GAPVD1: variants seen among roughly 807,000 people sequenced by gnomAD.
GAPVD1 encodes the protein GTPase activating protein and VPS9 domains 1, also known as GTPase-activating protein and VPS9 domain-containing protein 1.
A neutral mutation model predicts 155.5 loss-of-function variants in GAPVD1; 35 were observed. That is an observed-to-expected ratio of 0.23 (90% CI 0.17 to 0.30). The LOEUF is 0.30. Among genes scored for constraint, GAPVD1 ranks in the 10% least tolerant of loss-of-function variants. GAPVD1 has a pLI of 1.00. For synonymous variants in GAPVD1, 636 were observed against 619.7 expected, an observed-to-expected ratio of 1.03 and a Z score of -0.39; for missense variants, 1,429 against 1,775.7, an observed-to-expected ratio of 0.80 and a Z score of 3.51.
intron 2 of GAPVD1, among the ~76,000 whole-genome samples, chr9:125,280,473 A>G (rs1183520276): frequency 1.2e-4 from 18 of 150,444 alleles, no homozygotes; most frequent in Admixed American, 1.2e-3. Context: ...AGCACCTGGC[A>G]GGCCTGAAAT....
At position 125,312,534 on chromosome 9, in the gene GAPVD1, G is replaced by T; in HGVS notation, c.1524G>T (p.Glu508Asp). Residue 508 changes from glutamate to aspartate, a missense_variant, in exon 9 of 28, where the codon GAG (glutamate) becomes GAT (aspartate). Transcript: ENST00000297933. ...HEGSSQETIQ[E>D]VQPEEVLVIS... ...GATCATCTCAAGAAACCATTCAGGA[G>T]GTGCAACCAGAAGAGGTGTTGGTCA... 1 of 1,610,582 alleles carries T rather than the reference G, an allele frequency of 6.2e-7. No homozygotes were observed. The highest frequency in any genetic ancestry group is 8.5e-7 in the Non-Finnish European group (1 of 1,178,430).
chr9:125,302,368 T>C lies in GAPVD1; in HGVS notation c.571T>C (p.Ser191Pro). The C allele has an allele frequency of 6.2e-7, 1 of 1,614,168 alleles. No homozygotes were observed. The highest frequency in any genetic ancestry group is 8.5e-7 in the Non-Finnish European group (1 of 1,180,022). ...TAAACTTTTTTCTGAAGGACTGTTT[T>C]CTGCCAAACTTTTCCTCACAGCCAC... is the stretch of plus-strand genomic sequence containing the variant. ...LFKLFSEGLF[S>P]AKLFLTATLH... The change falls in exon 5 of 28, where the codon TCT (serine) becomes CCT (proline). Residue 191 changes from serine to proline, a missense_variant. Coordinates refer to ENST00000297933, the MANE Select transcript of GAPVD1 (RefSeq NM_001282680.3).
chr9:125,350,145 C>T (rs1849097510), intron 21 of GAPVD1, 150 bp from the exon 22 acceptor site: 1 of 570,758 alleles, frequency 1.8e-6, no homozygotes, highest in Non-Finnish European at 3.0e-6. Context: ...AAAGCCTGTT[C>T]TTTTAAGTGG....
At chr9:125,316,591 A>T (rs1401775971) in intron 9 of GAPVD1, among the ~76,000 whole-genome samples, 1 of 152,234 alleles carries the variant, frequency 6.6e-6, no homozygotes, top group Non-Finnish European at 1.5e-5. Context: ...ATGGCTGCAT[A>T]GTATTCCATG....
At chr9:125,327,779 C>T (rs1430536953) in intron 12 of GAPVD1, among the ~76,000 whole-genome samples, 1 of 152,194 alleles carries the variant, frequency 6.6e-6, no homozygotes, top group African/African-American at 2.4e-5. Flanking sequence ...GCTGGGATTA[C>T]AGTCATGAGC....
intron 13 of GAPVD1, among the ~76,000 whole-genome samples, chr9:125,331,347 C>T (rs917108139): frequency 6.6e-6 from 1 of 151,992 alleles, no homozygotes; most frequent in Non-Finnish European, 1.5e-5. Context: ...ATTACAGGCA[C>T]CTGCCACCAC....
chr9:125,323,344 C>T (rs1363996626), intron 10 of GAPVD1, among the ~76,000 whole-genome samples: 8 of 150,462 alleles, frequency 5.3e-5, no homozygotes, highest in Middle Eastern at 3.4e-3. Flanking sequence ...CTCGCTCTGT[C>T]GCCCAGGCTG....
chr9:125,319,256 C>G (rs1285698165), intron 9 of GAPVD1, among the ~76,000 whole-genome samples: 1 of 151,726 alleles, frequency 6.6e-6, no homozygotes, highest in Non-Finnish European at 1.5e-5. Context: ...TACCTGTAGT[C>G]CCAGCTACTC....
rs764346475 is a variant in GAPVD1, at chr9:125,305,043, AC to A, written c.1030-18del. The stretch of plus-strand genomic sequence containing the variant: ...ATCTGTCTGTAGCTTATGTCTCCCT[AC>A]CACTGCTTTGGGTTGCAGGTAGGCC... On this transcript the variant is annotated intron_variant, in intron 5 of 27. Coordinates refer to ENST00000297933, the MANE Select transcript of GAPVD1 (RefSeq NM_001282680.3). The A allele has an allele frequency of 9.0e-6, 14 of 1,556,482 alleles. No homozygotes were observed. In the African/African-American group the frequency reaches 1.5e-4, roughly 17 times the overall value.
At chr9:125,275,026 ATCTT>A (rs1269162579) in intron 2 of GAPVD1, among the ~76,000 whole-genome samples, 1 of 152,052 alleles carries the variant, frequency 6.6e-6, no homozygotes, top group Non-Finnish European at 1.5e-5. Flanking sequence ...TCTGATGGAC[ATCTT>A]TCTTTTTTGT....
intron 26 of GAPVD1, among the ~76,000 whole-genome samples, chr9:125,360,073 G>A (rs1166921334): frequency 6.6e-6 from 1 of 152,106 alleles, no homozygotes; most frequent in Non-Finnish European, 1.5e-5. Flanking sequence ...TGGAATTACT[G>A]CAACAATGGT....
At chr9:125,335,323 G>T (rs1305257881) in intron 15 of GAPVD1, 10 of 534,636 alleles carry the variant, frequency 1.9e-5, no homozygotes, top group Admixed American at 1.1e-4. Flanking sequence ...GAAAATAATA[G>T]TTATTTATTT....
chr9:125,326,657 A>C, intron 12 of GAPVD1, 68 bp downstream of exon 12: 1 of 1,078,012 alleles, frequency 9.3e-7, no homozygotes, highest in Non-Finnish European at 1.4e-6. Flanking sequence ...CTTTCATGGG[A>C]GGGAGCACCA....
chr9:125,353,777 A>G (rs1849642220), intron 23 of GAPVD1, among the ~76,000 whole-genome samples: 1 of 152,192 alleles, frequency 6.6e-6, no homozygotes, highest in Admixed American at 6.5e-5. Context: ...ACAGCACAGG[A>G]AAGACATGCC....
rs1328306609 is a variant in GAPVD1, at chr9:125,354,966, TG to T, written c.3757+127del. The T allele has an allele frequency of 8.6e-6, 5 of 581,710 alleles. No individual in the cohort carries two copies. In the African/African-American group the frequency reaches 9.2e-5, roughly 11 times the overall value. The allele number at this position is 581,710 out of a possible 1,614,324, so 36.0% of individuals were successfully genotyped here. A position where few individuals can be genotyped will look rare whatever the true frequency, so the allele number is the denominator to read the frequency against. Reference sequence around the variant, plus strand: ...ATGCCTTAAATACCCAATTATTTTATGGAATCTTAATAAATTAAACTTTGAT... The same window carrying T: ...ATGCCTTAAATACCCAATTATTTTATGAATCTTAATAAATTAAACTTTGAT... On this transcript the variant is annotated intron_variant, in intron 24 of 27. Coordinates refer to ENST00000297933, the MANE Select transcript of GAPVD1 (RefSeq NM_001282680.3).
At chr9:125,285,745 G>A (rs1837586084) in intron 2 of GAPVD1, among the ~76,000 whole-genome samples, 1 of 152,006 alleles carries the variant, frequency 6.6e-6, no homozygotes, top group Non-Finnish European at 1.5e-5. Flanking sequence ...ACAGGTGTGA[G>A]CCACTGCACC....
chr9:125,302,564 C>G lies in GAPVD1; in HGVS notation c.767C>G (p.Ala256Gly). The G allele has an allele frequency of 6.2e-7, 1 of 1,613,802 alleles. No homozygotes were observed. The highest frequency in any genetic ancestry group is 8.5e-7 in the Non-Finnish European group (1 of 1,179,704). Residue 256 changes from alanine to glycine, a missense_variant, in exon 5 of 28, where the codon GCA becomes GGA. By Grantham distance (60) the Ala-to-Gly change is moderately conservative. Coordinates refer to ENST00000297933, the MANE Select transcript of GAPVD1 (RefSeq NM_001282680.3). The part of the protein sequence containing the change: ...KVQEMVESNE[A>G]KLVALVNKFI... ...CAAGAAATGGTGGAGTCCAATGAAG[C>G]AAAGCTAGTGGCTTTGGTGAACAAA...
intron 24 of GAPVD1, 57 bp from the exon 25 acceptor site, chr9:125,355,587 A>C: frequency 9.5e-7 from 1 of 1,057,090 alleles, no homozygotes; most frequent in Non-Finnish European, 1.4e-6. Flanking sequence ...TTTCCTTTTT[A>C]AAATTATTTA....
At chr9:125,310,755 C>T (rs1842553524) in intron 8 of GAPVD1, among the ~76,000 whole-genome samples, 2 of 151,406 alleles carry the variant, frequency 1.3e-5, no homozygotes, top group African/African-American at 4.9e-5. Context: ...TCAGGCTGGA[C>T]TTGAACTCCC....
Sources: allele counts gnomAD v4.1 joint callset (sites outside exome capture counted in the v4.1 genomes callset), GRCh38; gene constraint gnomAD v4.1.1; transcripts MANE v1.5; gene names NCBI Gene and HGNC (gene_info 2026-07-23, HGNC 2026-07-21).